Variants in CEP112 observed in about 807,000 individuals in gnomAD.
CEP112 encodes centrosomal protein 112.
A neutral mutation model predicts 153.0 loss-of-function variants in CEP112; 127 were observed. The ratio of observed to expected loss-of-function variants is 0.83; its 90% CI spans 0.72 to 0.96. The LOEUF is 0.96. Among genes scored for constraint, CEP112 ranks in the 40% least tolerant of loss-of-function variants. CEP112 has a pLI of 0.00. For synonymous variants in CEP112, 358 were observed against 374.4 expected (o/e 0.96, Z 0.51); for missense variants, 1,089 against 1,101.2 (o/e 0.99, Z 0.16).
At chr17:66,181,628 T>C (rs1475160508) in intron 2 of CEP112, among the ~76,000 whole-genome samples, 1 of 152,182 alleles carries the variant, frequency 6.6e-6, no homozygotes, top group Admixed American at 6.5e-5. Context: ...GTACTCGGAT[T>C]ACAGGCATGA....
chr17:65,923,938 T>A (rs914519398), intron 19 of CEP112, among the ~76,000 whole-genome samples: 2 of 152,222 alleles, frequency 1.3e-5, no homozygotes, highest in African/African-American at 4.8e-5. Flanking sequence ...TTAATCTTTT[T>A]AATAAGTATA....
intron 18 of CEP112, among the ~76,000 whole-genome samples, chr17:65,951,863 A>G (rs1432815818): frequency 6.7e-6 from 1 of 149,626 alleles, no homozygotes; most frequent in African/African-American, 2.4e-5. Flanking sequence ...GTTTAAAGCT[A>G]TAAGTCTTTC....
chr17:65,950,766 G>A (rs1381944860), intron 18 of CEP112, among the ~76,000 whole-genome samples: 1 of 151,618 alleles, frequency 6.6e-6, no homozygotes, highest in Admixed American at 6.6e-5. Context: ...CTGGCTAGAA[G>A]TTCCAATACA....
chr17:66,052,963 C>T (rs759298763), intron 12 of CEP112, among the ~76,000 whole-genome samples: 2 of 151,004 alleles, frequency 1.3e-5, no homozygotes, highest in Non-Finnish European at 3.0e-5. Context: ...AAAAATTAAT[C>T]GGATGCTGTG....
chr17:66,090,861 C>T (rs931615724), intron 8 of CEP112, among the ~76,000 whole-genome samples: 3 of 151,922 alleles, frequency 2.0e-5, no homozygotes, highest in East Asian at 3.9e-4. Flanking sequence ...ATATCTCATG[C>T]AAACGGAAAT....
chr17:65,834,642 T>C (rs887143555), intron 21 of CEP112, among the ~76,000 whole-genome samples: 1 of 152,046 alleles, frequency 6.6e-6, no homozygotes, highest in South Asian at 2.1e-4. Flanking sequence ...AAAACAACAA[T>C]GAGATACCAT....
At chr17:65,777,373 T>A (rs1309695606) in intron 21 of CEP112, among the ~76,000 whole-genome samples, 1 of 152,222 alleles carries the variant, frequency 6.6e-6, no homozygotes, top group African/African-American at 2.4e-5. Context: ...ATTCTAATCA[T>A]AATGAATACA....
intron 24 of CEP112, among the ~76,000 whole-genome samples, chr17:65,651,640 CCT>C (rs1279850256): frequency 6.6e-6 from 1 of 151,768 alleles, no homozygotes; most frequent in Non-Finnish European, 1.5e-5. Flanking sequence ...TTCCTTCCTT[CCT>C]CTCTTTCTTT....
intron 18 of CEP112, 81 bp downstream of exon 18, chr17:65,961,382 T>C (rs1696505742): frequency 6.0e-6 from 8 of 1,340,756 alleles, no homozygotes; most frequent in Non-Finnish European, 7.1e-6. Flanking sequence ...AAGTGAAATG[T>C]TTCTGTCATA....
chr17:65,980,164 GA>G (rs2063178072), intron 17 of CEP112, among the ~76,000 whole-genome samples: 1 of 152,106 alleles, frequency 6.6e-6, no homozygotes, highest in African/African-American at 2.4e-5. Context: ...ACTAAGAATA[GA>G]GATATATGGT....
intron 16 of CEP112, among the ~76,000 whole-genome samples, chr17:66,016,319 A>C (rs150462624): frequency 4.1e-4 from 62 of 152,162 alleles, no homozygotes; most frequent in African/African-American, 1.4e-3. Flanking sequence ...ACCGTACACC[A>C]CTCAGACTTG....
At chr17:66,065,027 G>C (rs941371267) in intron 10 of CEP112, among the ~76,000 whole-genome samples, 1 of 152,156 alleles carries the variant, frequency 6.6e-6, no homozygotes, top group Admixed American at 6.5e-5. Context: ...CTGGGGGAGA[G>C]CCAGTAAGTT....
intron 16 of CEP112, among the ~76,000 whole-genome samples, chr17:66,013,190 G>A (rs562915105): frequency 8.0e-4 from 122 of 151,876 alleles, no homozygotes; most frequent in African/African-American, 2.8e-3. Context: ...AATCATCTTC[G>A]TTCCTATTCA....
At chr17:65,710,317 C>CAGA (rs1381754295) in intron 23 of CEP112, among the ~76,000 whole-genome samples, 1 of 152,178 alleles carries the variant, frequency 6.6e-6, no homozygotes, top group Admixed American at 6.5e-5. Context: ...TATTGGACTT[C>CAGA]ATGGCAGGCA....
chr17:66,158,674 C>T (rs1454505366), intron 4 of CEP112, among the ~76,000 whole-genome samples: 1 of 152,098 alleles, frequency 6.6e-6, no homozygotes, highest in Non-Finnish European at 1.5e-5. Flanking sequence ...ACACAATGTA[C>T]CAGATTCTCT....
chr17:66,158,944 T>C (rs2071572120), intron 4 of CEP112, among the ~76,000 whole-genome samples: 1 of 151,976 alleles, frequency 6.6e-6, no homozygotes, highest in Non-Finnish European at 1.5e-5. Flanking sequence ...ACAAAATAGA[T>C]AGATCACTAG....
chr17:66,134,924 A>G (rs1439379841), intron 4 of CEP112, among the ~76,000 whole-genome samples: 1 of 152,136 alleles, frequency 6.6e-6, no homozygotes, highest in Non-Finnish European at 1.5e-5. Flanking sequence ...CCCATCCCAT[A>G]CATGCTGTGA....
intron 21 of CEP112, among the ~76,000 whole-genome samples, chr17:65,846,217 A>G (rs1490792406): frequency 2.0e-5 from 3 of 152,226 alleles, no homozygotes; most frequent in Non-Finnish European, 4.4e-5. Context: ...CTGTGAGAAG[A>G]GTTCAAGCAA....
intron 20 of CEP112, among the ~76,000 whole-genome samples, chr17:65,858,194 T>G (rs2058189865): frequency 1.3e-5 from 2 of 152,192 alleles, no homozygotes; most frequent in African/African-American, 2.4e-5. Flanking sequence ...AGTCATCTTT[T>G]CTATCAATAT....
Sources: allele counts gnomAD v4.1 joint callset (sites outside exome capture counted in the v4.1 genomes callset), GRCh38; gene constraint gnomAD v4.1.1; transcripts MANE v1.5; gene names NCBI Gene and HGNC (gene_info 2026-07-23, HGNC 2026-07-21).